Variants in ARMH3 observed in about 807,000 individuals in gnomAD.
ARMH3 encodes armadillo like helical domain containing 3.
Under a neutral mutation model 99.1 loss-of-function variants are expected in ARMH3, and 60 were observed. That is an observed-to-expected ratio of 0.61 (90% CI 0.49 to 0.75). The LOEUF is 0.75. Among genes scored for constraint, ARMH3 ranks in the 30% least tolerant of loss-of-function variants. The pLI is 0.00. For synonymous variants in ARMH3, 285 were observed against 292.8 expected, an observed-to-expected ratio of 0.97 and a Z score of 0.27; for missense variants, 679 against 843.1, an observed-to-expected ratio of 0.81 and a Z score of 2.41.
At chr10:101,880,459 C>A (rs1237970032) in intron 24 of ARMH3, among the ~76,000 whole-genome samples, 1 of 152,198 alleles carries the variant, frequency 6.6e-6, no homozygotes, top group East Asian at 1.9e-4. Context: ...AGCTTTACAG[C>A]CCCCTTCTTA....
rs553619833 is a variant in ARMH3 at position 102,043,011 on chromosome 10, G to A, written c.-11-2886C>T. Among the ~76,000 whole-genome samples the A allele has an allele frequency of 7.9e-5, 12 of 152,320 alleles. No homozygotes were observed. In the East Asian group the frequency reaches 1.9e-3, roughly 24 times the overall value. On this transcript the variant is annotated intron_variant, in intron 1 of 25. Coordinates refer to ENST00000370033, the MANE Select transcript of ARMH3 (RefSeq NM_024541.3). ...CGCTTGAACCTGGGAGGTAGAGGTT[G>A]CGGTGAGACGAGATTGCGCCACTGC...
chr10:101,985,999 C>A (rs1299426082), intron 19 of ARMH3, among the ~76,000 whole-genome samples: 1 of 151,780 alleles, frequency 6.6e-6, no homozygotes, highest in East Asian at 1.9e-4. Context: ...GCCTGGGCAA[C>A]ACAGAGACTC....
chr10:101,959,137 T>C lies in ARMH3; in HGVS notation c.1496-1405A>G, dbSNP rs138996238. Among the ~76,000 whole-genome samples the C allele has an allele frequency of 2.5e-3, 374 of 152,298 alleles. 3 individuals carry two copies. Among genetic ancestry groups the C allele is most frequent in the African/African-American group, 8.6e-3 (358 of 41,568 alleles). On this transcript the variant is annotated intron_variant, in intron 20 of 25. Coordinates refer to ENST00000370033, the MANE Select transcript of ARMH3 (RefSeq NM_024541.3). ...CCTTTTAATGGTGTCTGTTAAGTGA[T>C]CAAGTATCTGTTGGACTGGGGGGAC...
intron 6 of ARMH3, among the ~76,000 whole-genome samples, chr10:102,024,214 G>A (rs988854833): frequency 6.6e-6 from 1 of 152,166 alleles, no homozygotes; most frequent in Non-Finnish European, 1.5e-5. Context: ...ACTTAGGGAG[G>A]CTGAAGTGGG....
intron 19 of ARMH3, among the ~76,000 whole-genome samples, chr10:101,980,705 C>T (rs1846192010): frequency 6.6e-6 from 1 of 152,120 alleles, no homozygotes; most frequent in South Asian, 2.1e-4. Context: ...AATCTGACAG[C>T]TGACGGAATC....
intron 24 of ARMH3, among the ~76,000 whole-genome samples, chr10:101,885,662 C>T (rs2067522527): frequency 6.6e-6 from 1 of 152,064 alleles, no homozygotes; most frequent in African/African-American, 2.4e-5. Flanking sequence ...TATAGAGTTT[C>T]AGTATGGAAT....
At chr10:101,940,054 A>G (rs2135715986) in intron 22 of ARMH3, 116 bp from the exon 23 acceptor site, 1 of 716,648 alleles carries the variant, frequency 1.4e-6, no homozygotes, top group South Asian at 2.0e-5. Flanking sequence ...AGCCTGCGCC[A>G]ATCTTCTGTT....
At chr10:101,974,483 C>T (rs1407628311) in intron 20 of ARMH3, among the ~76,000 whole-genome samples, 1 of 152,146 alleles carries the variant, frequency 6.6e-6, no homozygotes, top group Non-Finnish European at 1.5e-5. Flanking sequence ...CAAGCAACTG[C>T]CTCAGGGAAC....
At chr10:101,850,990 G>A (rs2066587221) in intron 24 of ARMH3, among the ~76,000 whole-genome samples, 1 of 152,114 alleles carries the variant, frequency 6.6e-6, no homozygotes, top group Admixed American at 6.5e-5. Flanking sequence ...TTCAGTCTTG[G>A]GATGTTCCTC....
chr10:102,042,778 A>G (rs552545365), intron 1 of ARMH3, among the ~76,000 whole-genome samples: 2 of 152,388 alleles, frequency 1.3e-5, no homozygotes, highest in East Asian at 3.9e-4. Flanking sequence ...CCTAATTTTG[A>G]AAGTAAAATA....
chr10:102,009,789 T>G (rs1163981741), intron 12 of ARMH3, among the ~76,000 whole-genome samples, 188 bp downstream of exon 12: 2 of 152,140 alleles, frequency 1.3e-5, no homozygotes, highest in Non-Finnish European at 2.9e-5. Context: ...TTATTGTCGC[T>G]CAATACATAT....
intron 8 of ARMH3, among the ~76,000 whole-genome samples, chr10:102,022,926 T>C (rs575066767): frequency 3.0e-4 from 45 of 148,914 alleles, no homozygotes; most frequent in South Asian, 1.9e-3. Flanking sequence ...CGGTGGCTCA[T>C]GCCTGTAATC....
intron 15 of ARMH3, among the ~76,000 whole-genome samples, chr10:101,999,966 C>T (rs1007855716): frequency 6.6e-6 from 1 of 151,974 alleles, no homozygotes; most frequent in East Asian, 1.9e-4. Flanking sequence ...GCCTGTAGTC[C>T]CAGCTACTCC....
intron 22 of ARMH3, among the ~76,000 whole-genome samples, chr10:101,947,921 A>G (rs2135758868): frequency 6.6e-6 from 1 of 152,242 alleles, no homozygotes; most frequent in South Asian, 2.1e-4. Context: ...ATACAATGTA[A>G]TCTTAGAGTA....
At chr10:101,989,070 G>GA (rs969544795) in intron 19 of ARMH3, among the ~76,000 whole-genome samples, 2 of 152,056 alleles carry the variant, frequency 1.3e-5, no homozygotes, top group African/African-American at 4.8e-5. Context: ...CCAAAAATCG[G>GA]AGGGAGCAAT....
intron 23 of ARMH3, among the ~76,000 whole-genome samples, chr10:101,922,927 TGA>T (rs1188211916): frequency 6.6e-6 from 1 of 152,166 alleles, no homozygotes; most frequent in East Asian, 1.9e-4. Flanking sequence ...TGGTGTCTAA[TGA>T]GAGAGAAATT....
chr10:102,048,651 C>T (rs1010754360), intron 1 of ARMH3, among the ~76,000 whole-genome samples: 14 of 152,240 alleles, frequency 9.2e-5, no homozygotes, highest in African/African-American at 3.1e-4. Flanking sequence ...TGGTCTCGAA[C>T]TCATCTTAAG....
At chr10:101,895,545 T>C (rs995573626) in intron 23 of ARMH3, among the ~76,000 whole-genome samples, 1 of 152,138 alleles carries the variant, frequency 6.6e-6, no homozygotes, top group African/African-American at 2.4e-5. Context: ...TCCCAAAGTG[T>C]TGGGATTACA....
chr10:101,985,088 C>T (rs1415147361), intron 19 of ARMH3, among the ~76,000 whole-genome samples: 2 of 129,352 alleles, frequency 1.5e-5, no homozygotes, highest in African/African-American at 5.1e-5. Flanking sequence ...TACACACACA[C>T]ACACACACAC....
Sources: gnomAD v4.1 joint callset for allele counts (sites outside exome capture counted in the v4.1 genomes callset) on GRCh38, gnomAD v4.1.1 for gene constraint, MANE v1.5 for transcripts, NCBI Gene and HGNC (gene_info 2026-07-23, HGNC 2026-07-21) for gene names.